The following ITPR2 variants were observed in gnomAD, a reference collection of about 807,000 sequenced individuals.
ITPR2 encodes inositol 1,4,5-trisphosphate-gated calcium channel ITPR2.
In ITPR2, 207 loss-of-function variants were observed where a neutral mutation model predicts 317.1. The observed-to-expected ratio is 0.65, with a 90% CI of 0.58 to 0.73. The LOEUF is 0.73. Among genes scored for constraint, ITPR2 ranks in the 30% least tolerant of loss-of-function variants. The pLI, the probability that ITPR2 is intolerant of heterozygous loss-of-function variation, is 0.00. For synonymous variants in ITPR2, 1,156 were observed against 1,149.1 expected, an observed-to-expected ratio of 1.01 and a Z score of -0.12; for missense variants, 2,613 against 3,284.0, an observed-to-expected ratio of 0.80 and a Z score of 4.99.
At chr12:26,607,231 A>G (rs1946152461) in intron 26 of ITPR2, among the ~76,000 whole-genome samples, 1 of 152,134 alleles carries the variant, frequency 6.6e-6, no homozygotes, top group African/African-American at 2.4e-5. Flanking sequence ...AGTCAGTGAC[A>G]CCATAAACCA....
intron 45 of ITPR2, among the ~76,000 whole-genome samples, chr12:26,472,985 C>G (rs1942330922): frequency 2.0e-5 from 3 of 152,084 alleles, no homozygotes; most frequent in Non-Finnish European, 4.4e-5. Context: ...CTTCCAGGTT[C>G]AAGTGATTCT....
intron 55 of ITPR2, among the ~76,000 whole-genome samples, chr12:26,368,032 T>C (rs1330401986): frequency 6.6e-6 from 1 of 150,784 alleles, no homozygotes; most frequent in African/African-American, 2.5e-5. Flanking sequence ...GATTATGTTC[T>C]GCAAAGTAGT....
intron 32 of ITPR2, among the ~76,000 whole-genome samples, chr12:26,590,989 A>G (rs906696005): frequency 1.4e-4 from 21 of 150,556 alleles, no homozygotes; most frequent in Non-Finnish European, 2.4e-4. Context: ...CTGAAGCAAG[A>G]GAATCACTGG....
chr12:26,352,043 C>T (rs1938498699), intron 55 of ITPR2, among the ~76,000 whole-genome samples: 1 of 152,164 alleles, frequency 6.6e-6, no homozygotes, highest in Non-Finnish European at 1.5e-5. Flanking sequence ...TGGCTGCCCA[C>T]AATCTGAAGC....
chr12:26,499,893 C>T (rs183326467), intron 37 of ITPR2, among the ~76,000 whole-genome samples: 1 of 152,232 alleles, frequency 6.6e-6, no homozygotes, highest in Non-Finnish European at 1.5e-5. Flanking sequence ...ATAAAATGTA[C>T]CCTTACAACT....
chr12:26,728,981 C>G (rs1344701441), intron 2 of ITPR2, among the ~76,000 whole-genome samples: 1 of 152,092 alleles, frequency 6.6e-6, no homozygotes, highest in African/African-American at 2.4e-5. Flanking sequence ...AAATTTTCTC[C>G]CATTCTGTAG....
At chr12:26,597,221 G>A (rs1230329034) in intron 30 of ITPR2, 87 bp from the exon 31 acceptor site, 10 of 1,363,986 alleles carry the variant, frequency 7.3e-6, no homozygotes, top group East Asian at 4.6e-5. Context: ...CTGGAAACAC[G>A]TATATCTCTT....
At chr12:26,774,491 A>G (rs1304610017) in intron 2 of ITPR2, among the ~76,000 whole-genome samples, 2 of 152,214 alleles carry the variant, frequency 1.3e-5, no homozygotes, top group Non-Finnish European at 2.9e-5. Context: ...AGTTAATTAA[A>G]TAATTCTTTT....
At chr12:26,756,311 C>A (rs1266932314) in intron 2 of ITPR2, among the ~76,000 whole-genome samples, 1 of 151,934 alleles carries the variant, frequency 6.6e-6, no homozygotes, top group African/African-American at 2.4e-5. Flanking sequence ...GACTGCTGCT[C>A]AGAAAAAAAA....
chr12:26,545,383 G>T lies in ITPR2; in HGVS notation c.5073+4864C>A, dbSNP rs562557399. Among the ~76,000 whole-genome samples the T allele has an allele frequency of 3.3e-5, 5 of 152,192 alleles. No homozygotes were observed. The South Asian group carries it at 1.0e-3, about 32-fold the overall frequency. On this transcript the variant is annotated intron_variant, in intron 37 of 56. Coordinates refer to ENST00000381340, the MANE Select transcript of ITPR2 (RefSeq NM_002223.4). Reference sequence around the variant, plus strand: ...GAGATGTGACAATTGTGGGAAGGGGGGCGGGAAATAGGGAGTGGAGATTGA... The same window carrying T: ...GAGATGTGACAATTGTGGGAAGGGGTGCGGGAAATAGGGAGTGGAGATTGA...
chr12:26,658,095 T>A lies in ITPR2; in HGVS notation c.1922A>T (p.Asn641Ile), dbSNP rs759304609. ...TTGAGTTACAGGGATAGCAGTGGTA[T>A]TAGACACACACAGATCTGACAAATA... is the stretch of plus-strand genomic sequence containing the variant. ...LDYLSDLCVS[N>I]TTAIPVTQEL... The change falls in exon 17 of 57, where the codon AAT (asparagine) becomes ATT (isoleucine). Residue 641 changes from asparagine to isoleucine, a missense_variant. Coordinates refer to ENST00000381340, the MANE Select transcript of ITPR2 (RefSeq NM_002223.4). 6.2e-7 allele frequency: 1 copy of A among 1,610,208 alleles called. No individual in the cohort carries two copies.
chr12:26,422,349 A>C (rs1264633288), intron 49 of ITPR2, among the ~76,000 whole-genome samples: 1 of 57,366 alleles, frequency 1.7e-5, no homozygotes, highest in Non-Finnish European at 6.6e-5. Context: ...TAGATAATTT[A>C]TTAGTTAAAT....
At chr12:26,379,908 A>G (rs933860286) in intron 55 of ITPR2, among the ~76,000 whole-genome samples, 1 of 152,244 alleles carries the variant, frequency 6.6e-6, no homozygotes, top group Non-Finnish European at 1.5e-5. Context: ...TTAAACACTG[A>G]TTAGAAAAGC....
At chr12:26,531,197 C>T (rs1244643122) in intron 37 of ITPR2, among the ~76,000 whole-genome samples, 2 of 152,202 alleles carry the variant, frequency 1.3e-5, no homozygotes, top group Non-Finnish European at 2.9e-5. Flanking sequence ...TCACTGTATT[C>T]TGCCCACTGA....
intron 12 of ITPR2, 121 bp from the exon 13 acceptor site, chr12:26,682,155 C>A: frequency 1.4e-6 from 1 of 732,842 alleles, no homozygotes; most frequent in Non-Finnish European, 2.2e-6. Context: ...AACACAGTAA[C>A]TCCCACATGC....
intron 36 of ITPR2, among the ~76,000 whole-genome samples, chr12:26,552,098 A>G (rs963911480): frequency 1.3e-5 from 2 of 152,188 alleles, no homozygotes; most frequent in Non-Finnish European, 1.5e-5. Context: ...AGAGACTTGT[A>G]AATGATGACA....
intron 1 of ITPR2, among the ~76,000 whole-genome samples, chr12:26,821,909 T>C (rs1018100379): frequency 6.6e-6 from 1 of 152,238 alleles, no homozygotes; most frequent in Non-Finnish European, 1.5e-5. Flanking sequence ...TGATTTGCCA[T>C]TAGAAAATTA....
intron 48 of ITPR2, among the ~76,000 whole-genome samples, chr12:26,428,483 C>A (rs765098344): frequency 2.5e-4 from 38 of 152,136 alleles, no homozygotes; most frequent in South Asian, 8.3e-4. Context: ...TGAATTCATA[C>A]CTTGTCTTGT....
At chr12:26,443,298 A>C (rs899047304) in intron 46 of ITPR2, among the ~76,000 whole-genome samples, 13 of 151,992 alleles carry the variant, frequency 8.6e-5, no homozygotes, top group African/African-American at 3.1e-4. Flanking sequence ...TCTACAGTTA[A>C]AAAACATCTA....
Sources: gnomAD v4.1 joint callset for allele counts (sites outside exome capture counted in the v4.1 genomes callset) on GRCh38, gnomAD v4.1.1 for gene constraint, MANE v1.5 for transcripts, NCBI Gene and HGNC (gene_info 2026-07-23, HGNC 2026-07-21) for gene names.